LINGO2: variants seen among roughly 807,000 people sequenced by gnomAD.
LINGO2 encodes leucine-rich repeat and immunoglobulin-like domain-containing nogo receptor-interacting protein 2.
Under a neutral mutation model 30.6 loss-of-function variants are expected in LINGO2, and 14 were observed. That is an observed-to-expected ratio of 0.46 (90% CI 0.30 to 0.72). The LOEUF is 0.72. LINGO2 is among the 30% of genes least tolerant of loss of function. The pLI is 0.07. For synonymous variants in LINGO2, 317 were observed against 288.5 expected (o/e 1.10, Z -1.00); for missense variants, 729 against 751.7 (o/e 0.97, Z 0.35).
intron 4 of LINGO2, among the ~76,000 whole-genome samples, chr9:28,042,581 A>T (rs369842749): frequency 2.0e-5 from 3 of 152,272 alleles, no homozygotes; most frequent in East Asian, 3.9e-4. Context: ...CTAGGATATG[A>T]AAGAAAGGTA....
chr9:28,111,514 C>A (rs867401067), intron 4 of LINGO2, among the ~76,000 whole-genome samples: 18 of 152,038 alleles, frequency 1.2e-4, no homozygotes, highest in African/African-American at 3.9e-4. Flanking sequence ...TAACTCGGGC[C>A]AGCTGTTTTG....
At chr9:29,128,038 G>A in the LINGO2 span, among the ~76,000 whole-genome samples, 7 of 152,160 alleles carry the variant, frequency 4.6e-5, no homozygotes, top group Admixed American at 4.6e-4. Flanking sequence ...CTAGTGGAAG[G>A]GGAAGCATGG....
the LINGO2 span, among the ~76,000 whole-genome samples, chr9:28,772,772 T>C: frequency 3.3e-5 from 5 of 152,286 alleles, no homozygotes; most frequent in African/African-American, 1.2e-4. Context: ...ACTTTAAAAC[T>C]GCAGCCCATA....
At chr9:29,021,331 G>A in the LINGO2 span, among the ~76,000 whole-genome samples, 1 of 152,094 alleles carries the variant, frequency 6.6e-6, no homozygotes, top group Non-Finnish European at 1.5e-5. Context: ...AGGGAATACG[G>A]CACTAACTAC....
At chr9:28,757,561 A>AAT in the LINGO2 span, among the ~76,000 whole-genome samples, 93,579 of 151,602 alleles carry the variant, frequency 0.62, 29,653 homozygotes, top group East Asian at 0.8. Context: ...GATATAAAGA[A>AAT]ATATATATAG....
At chr9:28,098,538 G>A (rs907930685) in intron 4 of LINGO2, among the ~76,000 whole-genome samples, 1 of 152,116 alleles carries the variant, frequency 6.6e-6, no homozygotes, top group East Asian at 1.9e-4. Context: ...CTTTCCTGAT[G>A]TAGGGTAGTT....
chr9:28,574,246 G>T (rs746198473), intron 1 of LINGO2, among the ~76,000 whole-genome samples: 7 of 152,150 alleles, frequency 4.6e-5, no homozygotes, highest in Non-Finnish European at 7.4e-5. Context: ...CCCCAAAATT[G>T]TGTGTTAAAT....
chr9:28,360,289 A>G (rs1201459228), intron 3 of LINGO2, among the ~76,000 whole-genome samples: 3 of 152,194 alleles, frequency 2.0e-5, no homozygotes, highest in African/African-American at 7.2e-5. Context: ...AAAGGACTCC[A>G]TCTTTTATCA....
At chr9:28,024,782 G>C (rs1426025262) in intron 4 of LINGO2, among the ~76,000 whole-genome samples, 1 of 152,164 alleles carries the variant, frequency 6.6e-6, no homozygotes, top group Non-Finnish European at 1.5e-5. Context: ...GTTCTGAAGA[G>C]TAGGCTTGTG....
chr9:29,035,907 G>A, the LINGO2 span, among the ~76,000 whole-genome samples: 2 of 151,872 alleles, frequency 1.3e-5, no homozygotes, highest in Non-Finnish European at 2.9e-5. Context: ...CTAAGAAGAG[G>A]GAAAAATATT....
intron 4 of LINGO2, among the ~76,000 whole-genome samples, chr9:28,110,950 AG>A (rs1200188542): frequency 6.6e-6 from 1 of 152,110 alleles, no homozygotes; most frequent in Non-Finnish European, 1.5e-5. Context: ...TGCTTATTGC[AG>A]CACTATTTAC....
At chr9:29,138,182 C>G in the LINGO2 span, among the ~76,000 whole-genome samples, 1 of 151,928 alleles carries the variant, frequency 6.6e-6, no homozygotes, top group Non-Finnish European at 1.5e-5. Context: ...AAACTGGAAC[C>G]TATATATAAT....
chr9:28,588,521 C>G (rs1824686431), intron 1 of LINGO2, among the ~76,000 whole-genome samples: 1 of 151,774 alleles, frequency 6.6e-6, no homozygotes, highest in East Asian at 2.0e-4. Context: ...GTGCTGGGAG[C>G]CTGGGGATGG....
the LINGO2 span, among the ~76,000 whole-genome samples, chr9:28,813,918 G>C: frequency 1.3e-5 from 2 of 152,156 alleles, no homozygotes; most frequent in Non-Finnish European, 2.9e-5. Context: ...TGAAAGGTCA[G>C]TCTGATTGCA....
chr9:28,391,587 A>G (rs1384727130), intron 2 of LINGO2, among the ~76,000 whole-genome samples: 1 of 137,134 alleles, frequency 7.3e-6, no homozygotes, highest in Non-Finnish European at 1.5e-5. Context: ...TCTTTTCACA[A>G]TTTGTATTTA....
chr9:28,692,526 A>G, the LINGO2 span, among the ~76,000 whole-genome samples: 32 of 152,248 alleles, frequency 2.1e-4, no homozygotes, highest in African/African-American at 7.2e-4. Context: ...TCATATTTCC[A>G]TGTTTATACT....
chr9:28,922,374 A>C, the LINGO2 span, among the ~76,000 whole-genome samples: 1 of 147,334 alleles, frequency 6.8e-6, no homozygotes, highest in Admixed American at 6.8e-5. Flanking sequence ...GCAAAGAGTC[A>C]GATTTTTTTT....
At chr9:28,669,215 C>T (rs576477237) in intron 1 of LINGO2, among the ~76,000 whole-genome samples, 2 of 152,202 alleles carry the variant, frequency 1.3e-5, no homozygotes, top group South Asian at 2.1e-4. Context: ...CCTGGGTAAT[C>T]ACCTATGTAC....
At chr9:28,987,799 A>T in the LINGO2 span, among the ~76,000 whole-genome samples, 2 of 152,080 alleles carry the variant, frequency 1.3e-5, no homozygotes, top group African/African-American at 4.8e-5. Flanking sequence ...TATTTTATCC[A>T]TTCAGGCACA....
Sources: allele counts gnomAD v4.1 joint callset (sites outside exome capture counted in the v4.1 genomes callset), GRCh38; gene constraint gnomAD v4.1.1; transcripts MANE v1.5; gene names NCBI Gene and HGNC (gene_info 2026-07-23, HGNC 2026-07-21).